CEP128: variants seen among roughly 807,000 people sequenced by gnomAD.
CEP128 encodes centrosomal protein 128kDa.
Under a neutral mutation model 156.7 loss-of-function variants are expected in CEP128, and 132 were observed. The ratio of observed to expected loss-of-function variants is 0.84; its 90% CI spans 0.73 to 0.97. The LOEUF is 0.97. Among genes scored for constraint, CEP128 ranks in the 50% least tolerant of loss-of-function variants. CEP128 has a pLI of 0.00. For missense variants in CEP128, 1,252 were observed against 1,281.9 expected, an observed-to-expected ratio of 0.98 and a Z score of 0.36; for synonymous variants, 469 against 448.9, an observed-to-expected ratio of 1.04 and a Z score of -0.57.
chr14:80,801,108 G>A (rs1883818215), intron 13 of CEP128, among the ~76,000 whole-genome samples: 1 of 152,188 alleles, frequency 6.6e-6, no homozygotes, highest in South Asian at 2.1e-4. Context: ...AATAAGGTCA[G>A]CTTGCTTATG....
chr14:80,534,306 T>A (rs572221157), intron 21 of CEP128, among the ~76,000 whole-genome samples: 1 of 152,168 alleles, frequency 6.6e-6, no homozygotes, highest in Non-Finnish European at 1.5e-5. Context: ...AAAATTATTT[T>A]CACCCCAAAG....
rs1007897206 is a variant in CEP128, at chr14:80,857,044, A to G, written c.762+5713T>C. ...ATTACAGGCATGAGTCACCATGCCC[A>G]GCCATGTTTTTCATTTTAAGTAATT... On this transcript the variant is annotated intron_variant, in intron 9 of 24. Coordinates refer to ENST00000555265, the MANE Select transcript of CEP128 (RefSeq NM_152446.5). Among the ~76,000 whole-genome samples the G allele has an allele frequency of 3.9e-5, 6 of 151,924 alleles. No homozygotes were observed. In the East Asian group the frequency reaches 9.7e-4, roughly 24 times the overall value.
intron 19 of CEP128, among the ~76,000 whole-genome samples, chr14:80,630,139 C>T (rs1051214514): frequency 6.6e-6 from 1 of 151,868 alleles, no homozygotes; most frequent in Non-Finnish European, 1.5e-5. Flanking sequence ...GTAGACGTAT[C>T]GGTTATACTA....
intron 9 of CEP128, among the ~76,000 whole-genome samples, chr14:80,845,818 G>A (rs1476233387): frequency 1.3e-5 from 2 of 152,106 alleles, no homozygotes; most frequent in Non-Finnish European, 2.9e-5. Context: ...CTCAGTAGTT[G>A]CCCAATAAAT....
intron 18 of CEP128, among the ~76,000 whole-genome samples, chr14:80,751,412 A>G (rs1225778183): frequency 6.6e-6 from 1 of 152,212 alleles, no homozygotes; most frequent in Non-Finnish European, 1.5e-5. Flanking sequence ...CAACATCTTC[A>G]TTAAGTGTCT....
chr14:80,829,562 A>G (rs1252173008), intron 13 of CEP128, among the ~76,000 whole-genome samples: 1 of 152,196 alleles, frequency 6.6e-6, no homozygotes, highest in African/African-American at 2.4e-5. Flanking sequence ...GGCACAAGCC[A>G]CTGCTCCCAG....
chr14:80,895,795 G>GAACA lies in CEP128; in HGVS notation c.573-6_573-5insTGTT. 12 of 1,058,186 alleles carry GAACA rather than the reference G, an allele frequency of 1.1e-5. No homozygotes were observed. The highest frequency in any genetic ancestry group is 3.6e-5 in the African/African-American group (1 of 27,988). The allele number at this position is 1,058,186 out of a possible 1,614,324, so 65.5% of individuals were successfully genotyped here. On this transcript the variant is annotated splice_region_variant and splice_polypyrimidine_tract_variant and intron_variant, in intron 7 of 24. Transcript: ENST00000555265. ...CTTTTTGTTTCGGCATCTGACCTAGGAAGAAAAAAAAAAAAAAGATTTAAA... is the reference window on the plus strand; with the variant it reads ...CTTTTTGTTTCGGCATCTGACCTAGGAACAAAGAAAAAAAAAAAAAAGATTTAAA...
intron 19 of CEP128, among the ~76,000 whole-genome samples, chr14:80,595,301 T>A (rs994162593): frequency 7.2e-5 from 11 of 151,910 alleles, no homozygotes; most frequent in African/African-American, 2.7e-4. Flanking sequence ...GAGGGGAACA[T>A]CACATACTGG....
intron 19 of CEP128, among the ~76,000 whole-genome samples, chr14:80,649,387 A>T (rs1304385708): frequency 6.6e-6 from 1 of 152,078 alleles, no homozygotes; most frequent in African/African-American, 2.4e-5. Flanking sequence ...CTAAAAAATG[A>T]AACCTGAAAA....
chr14:80,813,881 T>C (rs1884699635), intron 13 of CEP128, among the ~76,000 whole-genome samples: 1 of 152,226 alleles, frequency 6.6e-6, no homozygotes, highest in Non-Finnish European at 1.5e-5. Context: ...AGAAAAAATT[T>C]TTATATACTT....
At chr14:80,759,567 C>T (rs1595359035) in intron 17 of CEP128, among the ~76,000 whole-genome samples, 2 of 152,146 alleles carry the variant, frequency 1.3e-5, no homozygotes, top group East Asian at 3.9e-4. Context: ...AGCAATAAAA[C>T]AACAGAAGTT....
Position 80,481,740 on chromosome 14 carries a change from A to C in CEP128, c.*311-3333T>G, listed in dbSNP as rs985258493. Among the ~76,000 whole-genome samples the C allele has an allele frequency of 2.6e-5, 4 of 152,300 alleles. No homozygotes were observed. The East Asian group carries it at 5.8e-4, about 22-fold the overall frequency. On this transcript the variant is annotated intron_variant and NMD_transcript_variant, in intron 14 of 14. Coordinates refer to the CEP128 transcript ENST00000554502. Reference sequence around the variant, plus strand: ...CAGCCAGGATTTCTCTGGACCTAACACTAATCCCCTTACAGTAGTCAGGAT... The same window carrying C: ...CAGCCAGGATTTCTCTGGACCTAACCCTAATCCCCTTACAGTAGTCAGGAT...
chr14:80,676,374 T>A (rs945304239), intron 19 of CEP128, among the ~76,000 whole-genome samples: 8 of 152,082 alleles, frequency 5.3e-5, no homozygotes, highest in African/African-American at 1.7e-4. Flanking sequence ...GTGAACATGT[T>A]TTATTGATTT....
At chr14:80,520,740 C>T (rs75094889) in intron 23 of CEP128, among the ~76,000 whole-genome samples, 3,381 of 152,138 alleles carry the variant, frequency 0.022, 120 homozygotes, top group African/African-American at 0.076. Context: ...GTGCCATTGA[C>T]ATAAGAAATA....
At chr14:80,763,851 T>C (rs1421151947) in intron 16 of CEP128, among the ~76,000 whole-genome samples, 1 of 152,204 alleles carries the variant, frequency 6.6e-6, no homozygotes, top group Non-Finnish European at 1.5e-5. Context: ...TGGAGGCTAC[T>C]GAGGTGTCCT....
chr14:80,865,397 T>C (rs1887719587), intron 8 of CEP128, among the ~76,000 whole-genome samples: 1 of 152,236 alleles, frequency 6.6e-6, no homozygotes, highest in African/African-American at 2.4e-5. Context: ...GCAATGAACA[T>C]GGGGTGTATA....
At chr14:80,724,666 G>A (rs1324571497) in intron 19 of CEP128, among the ~76,000 whole-genome samples, 4 of 151,882 alleles carry the variant, frequency 2.6e-5, no homozygotes, top group Non-Finnish European at 4.4e-5. Flanking sequence ...ACACATTTGG[G>A]GTTGACAGTA....
At chr14:80,538,709 A>AT (rs1233775674) in intron 21 of CEP128, among the ~76,000 whole-genome samples, 2 of 152,056 alleles carry the variant, frequency 1.3e-5, no homozygotes, top group Non-Finnish European at 2.9e-5. Flanking sequence ...CCACTTCATT[A>AT]TTTTTTTAAA....
In CEP128 at chr14:80,670,076, A is replaced by C. The variant is rs75084560; in HGVS notation, c.2806+72999T>G. Among the ~76,000 whole-genome samples, 24 of 152,220 alleles carry C rather than the reference A, an allele frequency of 1.6e-4. No homozygotes were observed. The East Asian group carries it at 3.7e-3, about 23-fold the overall frequency. On this transcript the variant is annotated intron_variant, in intron 19 of 24. Transcript: ENST00000555265. ...TTTGAAACCATCAGATCTGGTAAGA[A>C]CTCACTGACTATCATGAGGATGGCA...
Sources: allele counts gnomAD v4.1 joint callset (sites outside exome capture counted in the v4.1 genomes callset), GRCh38; gene constraint gnomAD v4.1.1; transcripts MANE v1.5; gene names NCBI Gene and HGNC (gene_info 2026-07-23, HGNC 2026-07-21).